The following HS3ST3B1 variants were observed in gnomAD, a reference collection of about 807,000 sequenced individuals.
HS3ST3B1 encodes heparan sulfate glucosamine 3-O-sulfotransferase 3B1.
In HS3ST3B1, 13 loss-of-function variants were observed where a neutral mutation model predicts 21.3. The ratio of observed to expected loss-of-function variants is 0.61; its 90% confidence interval spans 0.40 to 0.97. HS3ST3B1 has a LOEUF of 0.97. Among genes scored for constraint, HS3ST3B1 ranks in the 50% least tolerant of loss-of-function variants. The pLI is 0.00. For synonymous variants in HS3ST3B1, 234 were observed against 254.8 expected, an observed-to-expected ratio of 0.92 and a Z score of 0.78; for missense variants, 459 against 554.8, an observed-to-expected ratio of 0.83 and a Z score of 1.73.
intron 1 of HS3ST3B1, among the ~76,000 whole-genome samples, chr17:14,341,290 A>C (rs1303961769): frequency 6.6e-6 from 1 of 152,166 alleles, no homozygotes; most frequent in African/African-American, 2.4e-5. Context: ...TGAGAGCAGA[A>C]TCCAGCATTC....
At position 14,345,630 on chromosome 17, in the gene HS3ST3B1, A is replaced by T. The variant is rs771895677; in HGVS notation, c.1157A>T (p.Asp386Val). The change falls in exon 2 of 2, where the codon GAC becomes GTC. Residue 386 changes from aspartate to valine, a missense_variant. By Grantham distance (152) the Asp-to-Val change is radical. This residue lies in a region of HS3ST3B1 where 127 missense variants were observed against 209.9 expected (regional missense o/e 0.60). Coordinates refer to ENST00000360954, the MANE Select transcript of HS3ST3B1 (RefSeq NM_006041.3). Reference protein sequence around the residue: ...NLKFYQMTGHDFGWD With the variant: ...NLKFYQMTGHVFGWD ...AAGTTCTACCAGATGACCGGGCACGACTTTGGCTGGGATTGAGCAGACCCG... is the reference window on the plus strand; with the variant it reads ...AAGTTCTACCAGATGACCGGGCACGTCTTTGGCTGGGATTGAGCAGACCCG... 3.0e-5 allele frequency: 49 copies of T among 1,613,716 alleles called. No individual in the cohort carries two copies. The South Asian group carries it at 5.4e-4, about 18-fold the overall frequency.
chr17:14,337,270 C>G (rs186838390), intron 1 of HS3ST3B1, among the ~76,000 whole-genome samples: 9 of 151,570 alleles, frequency 5.9e-5, no homozygotes, highest in African/African-American at 1.9e-4. Context: ...TATCTGGTAA[C>G]CAACTCTCAG....
At chr17:14,318,863 G>A (rs11078240) in intron 1 of HS3ST3B1, among the ~76,000 whole-genome samples, 49,498 of 152,132 alleles carry the variant, frequency 0.33, 8,186 homozygotes, top group Non-Finnish European at 0.34. Context: ...TGTGTTCTGC[G>A]AAAAGAGCAT....
intron 1 of HS3ST3B1, among the ~76,000 whole-genome samples, chr17:14,343,250 A>AG (rs984492119): frequency 3.5e-4 from 53 of 152,134 alleles, no homozygotes; most frequent in Non-Finnish European, 5.0e-4. Context: ...TCAAAAAAAA[A>AG]AAAAGAAAAG....
intron 1 of HS3ST3B1, among the ~76,000 whole-genome samples, chr17:14,309,246 C>A (rs2142325642): frequency 6.6e-6 from 1 of 152,354 alleles, no homozygotes; most frequent in South Asian, 2.1e-4. Flanking sequence ...GCGGGATCGC[C>A]GCCTCTGGCC....
chr17:14,330,226 C>G (rs1303559576), intron 1 of HS3ST3B1, among the ~76,000 whole-genome samples: 1 of 152,264 alleles, frequency 6.6e-6, no homozygotes, highest in Middle Eastern at 3.4e-3. Context: ...TATTCAAACA[C>G]CAAATATTTA....
At chr17:14,329,071 G>C (rs915445129) in intron 1 of HS3ST3B1, 1 of 152,068 alleles carries the variant, frequency 6.6e-6, no homozygotes, top group African/African-American at 2.4e-5. Context: ...GGGAAGCAGA[G>C]AGCTGGATGG....
At position 14,301,498 on chromosome 17, in the gene HS3ST3B1, G is replaced by C; in HGVS notation, c.-21G>C. 6.7e-7 allele frequency: 1 copy of C among 1,491,374 alleles called. No homozygotes were observed. Among genetic ancestry groups the C allele is most frequent in the Non-Finnish European group, 8.9e-7 (1 of 1,129,572 alleles). The allele number at this position is 1,491,374 out of a possible 1,614,324, so 92.4% of individuals were successfully genotyped here. On this transcript the variant is annotated 5_prime_UTR_variant, in exon 1 of 2. Coordinates refer to ENST00000360954, the MANE Select transcript of HS3ST3B1 (RefSeq NM_006041.3). ...ACGCCATGTGCTGAGCCATGTCCCT[G>C]GCCGCGCCCGCGGGCAGCGCATGGG...
At chr17:14,343,047 T>G (rs899618964) in intron 1 of HS3ST3B1, among the ~76,000 whole-genome samples, 2 of 151,918 alleles carry the variant, frequency 1.3e-5, no homozygotes, top group South Asian at 2.1e-4. Flanking sequence ...ATTGAGACCA[T>G]CCTGGCCAAC....
At chr17:14,308,971 G>A (rs967914987) in intron 1 of HS3ST3B1, among the ~76,000 whole-genome samples, 24 of 152,206 alleles carry the variant, frequency 1.6e-4, no homozygotes, top group African/African-American at 5.5e-4. Flanking sequence ...AAAAACATTG[G>A]GAAGAGCAGT....
chr17:14,337,576 A>G (rs1159425052), intron 1 of HS3ST3B1, among the ~76,000 whole-genome samples: 1 of 150,564 alleles, frequency 6.6e-6, no homozygotes, highest in African/African-American at 2.5e-5. Flanking sequence ...GGCCTCAGGT[A>G]ATCTGCCCAC....
chr17:14,321,667 A>AGTG (rs545778594), intron 1 of HS3ST3B1, among the ~76,000 whole-genome samples: 40 of 151,688 alleles, frequency 2.6e-4, no homozygotes, highest in Admixed American at 2.4e-3. Context: ...GATGTGGGTA[A>AGTG]GTGGTGTTTT....
chr17:14,328,725 C>G (rs1163416311), intron 1 of HS3ST3B1: 3 of 152,174 alleles, frequency 2.0e-5, no homozygotes, highest in East Asian at 3.9e-4. Flanking sequence ...TTCCACCTGG[C>G]AAGGTGGCAC....
chr17:14,329,049 G>T (rs566019661), intron 1 of HS3ST3B1: 4 of 152,032 alleles, frequency 2.6e-5, no homozygotes, highest in African/African-American at 7.2e-5. Flanking sequence ...GGGTTCTGTT[G>T]GTTGAGCACA....
rs1431714410 is a variant in HS3ST3B1, at chr17:14,347,304, G to A, written c.*1658G>A. ...CCTCTCTGTTGATTTATAACAGTTG[G>A]GTAACCAGATAGCAATATAGTGGCA... On this transcript the variant is annotated 3_prime_UTR_variant, in exon 2 of 2. Transcript: ENST00000360954. The A allele has an allele frequency of 1.3e-5, 2 of 152,234 alleles. No individual in the cohort carries two copies. Among genetic ancestry groups the A allele is most frequent in the South Asian group, 2.1e-4 (1 of 4,828 alleles). The allele number at this position is 152,234 out of a possible 1,614,324, so 9.4% of individuals were successfully genotyped here.
intron 1 of HS3ST3B1, chr17:14,327,512 T>C (rs530390237): frequency 6.6e-6 from 1 of 152,336 alleles, no homozygotes; most frequent in East Asian, 1.9e-4. Flanking sequence ...TTTATGGGTA[T>C]AGCCACTTAA....
At position 14,301,570 on chromosome 17, in the gene HS3ST3B1, C is replaced by T; in HGVS notation, c.52C>T (p.Leu18Phe). Residue 18 changes from leucine to phenylalanine, a missense_variant, in exon 1 of 2, where the codon CTC becomes TTC. By Grantham distance (22) the Leu-to-Phe change is conservative (BLOSUM62 0). Transcript: ENST00000360954. ...GRSCLDVPGR[L>F]LPQPPPPPPP... ...ATCTTGCCTCGATGTCCCCGGCCGG[C>T]TCCTACCGCAGCCGCCGCCGCCCCC... The T allele has an allele frequency of 5.0e-6, 8 of 1,595,792 alleles. No individual in the cohort carries two copies. Among genetic ancestry groups the T allele is most frequent in the Non-Finnish European group, 6.8e-6 (8 of 1,177,216 alleles).
intron 1 of HS3ST3B1, among the ~76,000 whole-genome samples, chr17:14,323,783 G>T (rs890116034): frequency 2.0e-5 from 3 of 152,126 alleles, no homozygotes; most frequent in Non-Finnish European, 4.4e-5. Flanking sequence ...GGAAAACATT[G>T]TCTTTGGAGA....
Position 14,347,644 on chromosome 17 carries a change from T to G in HS3ST3B1, c.*1998T>G, listed in dbSNP as rs545891667. The G allele has an allele frequency of 1.3e-5, 2 of 152,336 alleles. No individual in the cohort carries two copies. Among genetic ancestry groups the G allele is most frequent in the South Asian group, 4.1e-4 (2 of 4,820 alleles). 9.4% of individuals were successfully genotyped at this position (152,336 alleles called of 1,614,324 possible). Reference sequence around the variant, plus strand: ...ACTGATCAGAGATGTCACTGGTCTTTAAGTGATGTCTTGAAAATCCAGTAT... The same window carrying G: ...ACTGATCAGAGATGTCACTGGTCTTGAAGTGATGTCTTGAAAATCCAGTAT... On this transcript the variant is annotated 3_prime_UTR_variant, in exon 2 of 2. Transcript: ENST00000360954.
Sources: gnomAD v4.1 joint callset for allele counts (sites outside exome capture counted in the v4.1 genomes callset) on GRCh38, gnomAD v4.1.1 for gene constraint, gnomAD v4.1.1 regional missense constraint, MANE v1.5 for transcripts, NCBI Gene and HGNC (gene_info 2026-07-23, HGNC 2026-07-21) for gene names.